USP34: variants seen among roughly 807,000 people sequenced by gnomAD.
USP34 encodes the protein ubiquitin specific peptidase 34, also known as ubiquitin carboxyl-terminal hydrolase 34.
USP34 carries 70 observed loss-of-function variants against 460.3 expected under a neutral mutation model. That is an observed-to-expected ratio of 0.15 (90% CI 0.13 to 0.19). The LOEUF is 0.19. Ranked by LOEUF, USP34 falls within the 10% of genes least tolerant of loss-of-function variation. The pLI, the probability that USP34 is intolerant of heterozygous loss-of-function variation, is 1.00. For missense variants in USP34, 3,985 were observed against 4,236.2 expected (o/e 0.94, Z 1.65); for synonymous variants, 1,647 against 1,405.3 (o/e 1.17, Z -3.85).
At chr2:61,387,202 T>C (rs1327365149) in intron 5 of USP34, among the ~76,000 whole-genome samples, 2 of 152,120 alleles carry the variant, frequency 1.3e-5, no homozygotes. Flanking sequence ...GGCTCACCCC[T>C]GTAATCAAAG....
chr2:61,347,297 T>C (rs1691801145), intron 15 of USP34, among the ~76,000 whole-genome samples: 1 of 152,258 alleles, frequency 6.6e-6, no homozygotes, highest in African/African-American at 2.4e-5. Context: ...GTAATTTTTA[T>C]ACTTATTACA....
chr2:61,269,365 C>T (rs762775985), intron 41 of USP34, among the ~76,000 whole-genome samples: 1 of 149,062 alleles, frequency 6.7e-6, no homozygotes, highest in Non-Finnish European at 1.5e-5. Context: ...AGGGTTTCAC[C>T]AGGTTACCCA....
intron 37 of USP34, among the ~76,000 whole-genome samples, chr2:61,282,032 C>T (rs1348603470): frequency 6.6e-6 from 1 of 152,126 alleles, no homozygotes; most frequent in Non-Finnish European, 1.5e-5. Flanking sequence ...CTCTGTCTTC[C>T]AGGCTGGAGT....
At chr2:61,411,977 G>A (rs1371785379) in intron 2 of USP34, among the ~76,000 whole-genome samples, 1 of 151,904 alleles carries the variant, frequency 6.6e-6, no homozygotes, top group Non-Finnish European at 1.5e-5. Context: ...ATCACCTGAG[G>A]TCAGAAGTTT....
chr2:61,425,587 G>A (rs1041864517), intron 1 of USP34, among the ~76,000 whole-genome samples: 6 of 152,136 alleles, frequency 3.9e-5, no homozygotes, highest in Non-Finnish European at 7.4e-5. Flanking sequence ...GGCAACTGCC[G>A]ATCCCAGGAG....
rs564304606 is a variant in USP34 at position 61,463,899 on chromosome 2, T to G, written c.43+6751A>C. The stretch of plus-strand genomic sequence containing the variant: ...CCTGTGGTTCCACCAAACAGTCACA[T>G]GTGACCCTAAGCAAGTCACATAAAT... On this transcript the variant is annotated intron_variant, in intron 1 of 79. Coordinates refer to ENST00000398571, the MANE Select transcript of USP34 (RefSeq NM_014709.4). Among the ~76,000 whole-genome samples the G allele has an allele frequency of 2.0e-5, 3 of 151,856 alleles. No homozygotes were observed. In the East Asian group the frequency reaches 5.8e-4, roughly 29 times the overall value.
intron 27 of USP34, among the ~76,000 whole-genome samples, chr2:61,303,097 C>T (rs924257513): frequency 6.6e-6 from 1 of 151,670 alleles, no homozygotes; most frequent in African/African-American, 2.4e-5. Flanking sequence ...GACGGAGTGT[C>T]ACTCTGTCAC....
intron 2 of USP34, among the ~76,000 whole-genome samples, chr2:61,413,550 C>T (rs1694106832): frequency 7.3e-6 from 1 of 137,508 alleles, no homozygotes; most frequent in Admixed American, 7.8e-5. Flanking sequence ...CTACTAGATA[C>T]TCAGGAGGCT....
At chr2:61,394,735 TA>T (rs939104540) in intron 5 of USP34, 117 bp downstream of exon 5, 424 of 743,530 alleles carry the variant, frequency 5.7e-4, no homozygotes, top group Non-Finnish European at 7.1e-4. Context: ...TTTGTCAAAA[TA>T]AAAAAAAATT....
At chr2:61,277,266 T>G (rs1437170743) in intron 41 of USP34, among the ~76,000 whole-genome samples, 1 of 149,832 alleles carries the variant, frequency 6.7e-6, no homozygotes, top group Non-Finnish European at 1.5e-5. Context: ...AGACACGTTC[T>G]CCTTCTGTCA....
At chr2:61,346,863 C>A (rs1691786045) in intron 15 of USP34, among the ~76,000 whole-genome samples, 2 of 142,802 alleles carry the variant, frequency 1.4e-5, no homozygotes, top group Non-Finnish European at 3.0e-5. Flanking sequence ...AAAGGCCGGG[C>A]CTGGTGGCTC....
chr2:61,325,804 T>A (rs576010370), intron 20 of USP34, among the ~76,000 whole-genome samples: 2 of 152,268 alleles, frequency 1.3e-5, no homozygotes, highest in East Asian at 3.9e-4. Context: ...CATCTCTATC[T>A]AAAAAGTACA....
In USP34 at chr2:61,349,284, C is replaced by T. The variant is rs1691868523; in HGVS notation, c.1509G>A (p.Glu503=). 6.2e-7 allele frequency: 1 copy of T among 1,613,074 alleles called. No individual in the cohort carries two copies. The highest frequency in any genetic ancestry group is 2.2e-5 in the East Asian group (1 of 44,818). ...NTNIPIGNKK[E]EEELRRTAPS... ...GAGCTGTTCTTCTAAGCTCTTCTTC[C>T]TCTGAAGGAAAAGGAAAAAACAGGA... Residue 503 remains glutamate (E), a splice_region_variant and synonymous_variant, in exon 13 of 80, where the codon GAG becomes GAA. Transcript: ENST00000398571.
chr2:61,425,455 C>A (rs1016243098), intron 1 of USP34, among the ~76,000 whole-genome samples: 1 of 152,000 alleles, frequency 6.6e-6, no homozygotes, highest in African/African-American at 2.4e-5. Context: ...GAGGGAGGGA[C>A]AACACAGCAA....
intron 27 of USP34, among the ~76,000 whole-genome samples, chr2:61,311,209 A>G (rs1690581609): frequency 6.6e-6 from 1 of 152,234 alleles, no homozygotes; most frequent in Admixed American, 6.5e-5. Flanking sequence ...TAATGCCATT[A>G]TAAAAGGGTC....
intron 8 of USP34, among the ~76,000 whole-genome samples, chr2:61,376,602 G>A (rs1692805822): frequency 6.6e-6 from 1 of 152,154 alleles, no homozygotes; most frequent in South Asian, 2.1e-4. Flanking sequence ...AGGGGTGAGG[G>A]GACACAGGAT....
chr2:61,382,216 C>T (rs182476146), intron 6 of USP34, among the ~76,000 whole-genome samples: 228 of 152,174 alleles, frequency 1.5e-3, no homozygotes, highest in Admixed American at 3.5e-3. Flanking sequence ...AATCATGAAA[C>T]ATCTGCTAAA....
intron 27 of USP34, among the ~76,000 whole-genome samples, chr2:61,311,131 A>G (rs922201407): frequency 7.9e-5 from 12 of 152,216 alleles, no homozygotes; most frequent in African/African-American, 2.9e-4. Context: ...CTGAAAATTC[A>G]TGTTGAACAT....
At chr2:61,237,529 G>C (rs1055866557) in intron 53 of USP34, among the ~76,000 whole-genome samples, 1 of 103,934 alleles carries the variant, frequency 9.6e-6, no homozygotes, top group Non-Finnish European at 2.0e-5. Flanking sequence ...CTGTATCTAT[G>C]TATGTGTATA....
Sources: gnomAD v4.1 joint callset for allele counts (sites outside exome capture counted in the v4.1 genomes callset) on GRCh38, gnomAD v4.1.1 for gene constraint, MANE v1.5 for transcripts, NCBI Gene and HGNC (gene_info 2026-07-23, HGNC 2026-07-21) for gene names.